The following MAP3K15 variants were observed in gnomAD, a reference collection of about 807,000 sequenced individuals.
The protein encoded by MAP3K15 is MAPK/ERK kinase kinase 15.
MAP3K15 carries 124 observed loss-of-function variants against 99.5 expected under a neutral mutation model. That is an observed-to-expected ratio of 1.25 (90% confidence interval 1.08 to 1.45). MAP3K15 has a LOEUF of 1.45. MAP3K15 is among the 40% of genes most tolerant of loss of function. The pLI is 0.00. For synonymous variants in MAP3K15, 494 were observed against 439.6 expected (o/e 1.12, Z -1.55); for missense variants, 1,242 against 1,079.7 (o/e 1.15, Z -2.11).
intron 25 of MAP3K15, among the ~76,000 whole-genome samples, chrX:19,363,451 A>C (rs1363605131): frequency 1.8e-5 from 2 of 111,865 alleles, no homozygotes; most frequent in Non-Finnish European, 3.8e-5. Flanking sequence ...GAACGCACTC[A>C]GGCAGTTTTG....
intron 3 of MAP3K15, among the ~76,000 whole-genome samples, chrX:19,471,786 T>C (rs947241499): frequency 9.0e-6 from 1 of 111,404 alleles, no homozygotes; most frequent in Admixed American, 9.6e-5. Flanking sequence ...GGCCACGGGA[T>C]GACATATTCA....
chrX:19,370,540 C>T (rs924907841), intron 24 of MAP3K15, among the ~76,000 whole-genome samples: 13 of 110,905 alleles, frequency 1.2e-4, no homozygotes, highest in Non-Finnish European at 1.7e-4. Flanking sequence ...GGATTACAGG[C>T]ACGTGCCACC....
At chrX:19,446,153 C>T (rs2063996690) in intron 6 of MAP3K15, among the ~76,000 whole-genome samples, 1 of 111,065 alleles carries the variant, frequency 9.0e-6, no homozygotes, top group African/African-American at 3.3e-5. Context: ...GGAAAAACTC[C>T]GTTATTATAA....
intron 1 of MAP3K15, among the ~76,000 whole-genome samples, chrX:19,512,189 G>A (rs2064523881): frequency 9.0e-6 from 1 of 110,991 alleles, no homozygotes; most frequent in Admixed American, 9.5e-5. Context: ...GGGAGGGGAG[G>A]GAGAGCATTA....
rs971819847 is a variant in MAP3K15 at position 19,404,116 on chromosome X, C to T, written c.1844+3072G>A. Among the ~76,000 whole-genome samples, 3 of 111,150 alleles carry T rather than the reference C, an allele frequency of 2.7e-5. No individual in the cohort carries two copies. The Admixed American group carries it at 2.9e-4, about 11-fold the overall frequency. ...GACATGATATTGCACATAGAAAACC[C>T]TAAGGAATTCAATAAAACCCATTAG... On this transcript the variant is annotated intron_variant, in intron 13 of 28. Transcript: ENST00000338883.
At chrX:19,491,109 C>T (rs748454617) in intron 1 of MAP3K15, among the ~76,000 whole-genome samples, 11 of 111,433 alleles carry the variant, frequency 9.9e-5, no homozygotes, top group Admixed American at 1.9e-4. Context: ...CACCAGACAC[C>T]GCTAGCTCTG....
intron 1 of MAP3K15, among the ~76,000 whole-genome samples, chrX:19,505,025 C>T (rs2064466180): frequency 9.3e-6 from 1 of 107,429 alleles, no homozygotes; most frequent in Non-Finnish European, 1.9e-5. Flanking sequence ...CAGCACCAAA[C>T]CTCTTATTTT....
intron 3 of MAP3K15, among the ~76,000 whole-genome samples, chrX:19,483,565 A>AGTGTGT (rs140310801): frequency 0.026 from 2,781 of 106,019 alleles, 36 homozygotes; most frequent in Middle Eastern, 0.063. Context: ...ACTAACTATG[A>AGTGTGT]GTGTGTGTGT....
rs1602302635 is a variant in MAP3K15 at position 19,429,792 on chromosome X, G to C, written c.1166+1646C>G. The stretch of plus-strand genomic sequence containing the variant: ...AGAGAGAGAGAGAGAGAGAGAGAGA[G>C]AGAGAGAGAGAGAGAGAGAGAGAGA... On this transcript the variant is annotated intron_variant, in intron 7 of 28. Coordinates refer to ENST00000338883, the MANE Select transcript of MAP3K15 (RefSeq NM_001001671.4). Among the ~76,000 whole-genome samples, 3 of 81,358 alleles carry C rather than the reference G, an allele frequency of 3.7e-5. No individual in the cohort carries two copies. The South Asian group carries it at 1.8e-3, about 48-fold the overall frequency. The allele number at this position is 81,358 out of a possible 115,157, so 70.6% of individuals were successfully genotyped here.
chrX:19,435,268 C>T (rs964371561), intron 6 of MAP3K15, among the ~76,000 whole-genome samples: 1 of 107,881 alleles, frequency 9.3e-6, no homozygotes, highest in Non-Finnish European at 1.9e-5. Context: ...CAGGGTCGCC[C>T]AGGCTGGAGT....
Position 19,382,619 on chromosome X carries a change from G to A in MAP3K15, c.2432-2342C>T, listed in dbSNP as rs192967554. On this transcript the variant is annotated intron_variant, in intron 18 of 28. Coordinates refer to ENST00000338883, the MANE Select transcript of MAP3K15 (RefSeq NM_001001671.4). ...CGATGAGGAACAAATGATGGCTTTG[G>A]TCTCCAGAGCTGATGCCCTGGCGGG... is the stretch of plus-strand genomic sequence containing the variant. Among the ~76,000 whole-genome samples, 20 of 112,296 alleles carry A rather than the reference G, an allele frequency of 1.8e-4. No homozygotes were observed. In the East Asian group the frequency reaches 5.3e-3, roughly 30 times the overall value.
chrX:19,395,183 T>C lies in MAP3K15; in HGVS notation c.2092A>G (p.Ile698Val). 8.3e-7 allele frequency: 1 copy of C among 1,208,079 alleles called. No individual in the cohort carries two copies. Among genetic ancestry groups the C allele is most frequent in the African/African-American group, 1.7e-5 (1 of 57,464 alleles). The change falls in exon 16 of 29, where the codon ATA becomes GTA. Residue 698 changes from isoleucine (I) to valine (V), a missense_variant. Ile to Val is a conservative substitution (Grantham distance 29, BLOSUM62 3). Coordinates refer to ENST00000338883, the MANE Select transcript of MAP3K15 (RefSeq NM_001001671.4). The stretch of plus-strand genomic sequence containing the variant: ...TGCTTAAGGTACTTGTGCAGGGCTA[T>C]CTCCTCGTGCAGAGGCTGAGAATAC... ...SRYSQPLHEE[I>V]ALHKYLKHRN...
chrX:19,444,453 G>T (rs1015679924), intron 6 of MAP3K15, among the ~76,000 whole-genome samples: 3 of 111,448 alleles, frequency 2.7e-5, no homozygotes, highest in African/African-American at 9.8e-5. Flanking sequence ...CCAGAGATAC[G>T]CCACTAAAAC....
chrX:19,399,753 A>AC (rs2063595058), intron 14 of MAP3K15, among the ~76,000 whole-genome samples: 1 of 97,624 alleles, frequency 1.0e-5, no homozygotes, highest in African/African-American at 4.2e-5. Flanking sequence ...AAAAAAAAAA[A>AC]AAAAAAAAAA....
At chrX:19,428,262 C>G (rs73637647) in intron 7 of MAP3K15, among the ~76,000 whole-genome samples, 28 of 112,002 alleles carry the variant, frequency 2.5e-4, no homozygotes, top group African/African-American at 8.4e-4. Context: ...TCATTTGCTT[C>G]TGCACCTACC....
intron 11 of MAP3K15, 120 bp from the exon 12 acceptor site, chrX:19,410,093 G>T: frequency 1.9e-6 from 1 of 516,596 alleles, no homozygotes; most frequent in Non-Finnish European, 3.3e-6. Context: ...TTTTTTTACG[G>T]GTTACAGCAA....
rs2063555609 is a variant in MAP3K15 at position 19,394,815 on chromosome X, TTTTTTTTTTTTTTTTTTTTTA to T, written c.2194+245_2194+265del. 7.9e-5 allele frequency among the ~76,000 whole-genome samples: 5 copies of T among 62,911 alleles called. 1 individual carries two copies. The highest frequency in any genetic ancestry group is 4.5e-4 in the African/African-American group (5 of 11,158). 54.6% of individuals were successfully genotyped at this position (62,911 alleles called of 115,157 possible). A position where few individuals can be genotyped will look rare whatever the true frequency, so the allele number is the denominator to read the frequency against. On this transcript the variant is annotated intron_variant, in intron 16 of 28. Coordinates refer to ENST00000338883, the MANE Select transcript of MAP3K15 (RefSeq NM_001001671.4). ...TTTTTTTTTTTTTTTTTTTTTTTTTTTTTTTTTTTTTTTTTTTTTTAAAAAGAGTGATGGGTTTTGCTCTGT... is the reference window on the plus strand; with the variant it reads ...TTTTTTTTTTTTTTTTTTTTTTTTTTAAAAGAGTGATGGGTTTTGCTCTGT...
chrX:19,483,529 C>A (rs1429561295), intron 3 of MAP3K15, among the ~76,000 whole-genome samples: 2 of 109,801 alleles, frequency 1.8e-5, no homozygotes, highest in Admixed American at 2.0e-4. Flanking sequence ...TAATTCGTAC[C>A]CCTTATTTAT....
chrX:19,490,160 CACACACACACACACACACACACACAT>C (rs1292342787), intron 1 of MAP3K15, among the ~76,000 whole-genome samples: 2 of 85,300 alleles, frequency 2.3e-5, no homozygotes, highest in Admixed American at 2.4e-4. Flanking sequence ...CACACACACA[CACACACACACACACACACACACACAT>C]ACATACAAAA....
Sources: allele counts gnomAD v4.1 joint callset (sites outside exome capture counted in the v4.1 genomes callset), GRCh38; gene constraint gnomAD v4.1.1; transcripts MANE v1.5; gene names NCBI Gene and HGNC (gene_info 2026-07-23, HGNC 2026-07-21).